The following NELL2 variants were observed in gnomAD, a reference collection of about 807,000 sequenced individuals.
NELL2 encodes neural EGFL like 2.
NELL2 carries 41 observed loss-of-function variants against 109.6 expected under a neutral mutation model. The ratio of observed to expected loss-of-function variants is 0.37; its 90% confidence interval spans 0.29 to 0.49. The LOEUF is 0.49. NELL2 is among the 20% of genes least tolerant of loss of function. NELL2 has a pLI of 0.98. For missense variants in NELL2, 900 were observed against 1,008.3 expected (o/e 0.89, Z 1.45); for synonymous variants, 355 against 344.7 (o/e 1.03, Z -0.33).
At chr12:44,893,069 T>G (rs373930131) in intron 1 of NELL2, among the ~76,000 whole-genome samples, 2 of 152,266 alleles carry the variant, frequency 1.3e-5, no homozygotes, top group African/African-American at 4.8e-5. Context: ...CTGGGTGGCT[T>G]AACCCAACAG....
At chr12:44,592,507 A>G (rs1036001229) in intron 15 of NELL2, among the ~76,000 whole-genome samples, 2 of 152,192 alleles carry the variant, frequency 1.3e-5, no homozygotes, top group African/African-American at 4.8e-5. Context: ...AGACAGACAC[A>G]GAACAAGAGG....
chr12:44,893,875 C>T (rs1945563895), intron 1 of NELL2, among the ~76,000 whole-genome samples: 1 of 152,168 alleles, frequency 6.6e-6, no homozygotes, highest in Non-Finnish European at 1.5e-5. Context: ...CAGACTAATT[C>T]TTTTTAAATC....
At chr12:44,813,626 G>A (rs1251552490) in intron 3 of NELL2, among the ~76,000 whole-genome samples, 1 of 152,108 alleles carries the variant, frequency 6.6e-6, no homozygotes, top group East Asian at 1.9e-4. Context: ...GTAAGGGGTT[G>A]ATTAAACAAA....
chr12:44,790,354 G>A (rs1323108302), intron 3 of NELL2, among the ~76,000 whole-genome samples: 1 of 152,084 alleles, frequency 6.6e-6, no homozygotes, highest in Non-Finnish European at 1.5e-5. Flanking sequence ...TATCAGCCAA[G>A]AATTTTGTAT....
chr12:44,791,964 A>C (rs936268788), intron 3 of NELL2, among the ~76,000 whole-genome samples: 2 of 152,056 alleles, frequency 1.3e-5, no homozygotes, highest in Middle Eastern at 3.2e-3. Flanking sequence ...CAGACAAAAA[A>C]AAAAAGGCAC....
At chr12:44,727,715 G>A (rs1487568316) in intron 9 of NELL2, among the ~76,000 whole-genome samples, 1 of 151,798 alleles carries the variant, frequency 6.6e-6, no homozygotes, top group East Asian at 1.9e-4. Context: ...TTCTCTTTAG[G>A]GGTCAATTAA....
chr12:44,835,954 C>T (rs770906098), intron 2 of NELL2, among the ~76,000 whole-genome samples: 5 of 152,216 alleles, frequency 3.3e-5, no homozygotes, highest in Non-Finnish European at 5.9e-5. Flanking sequence ...GCAGGAACAA[C>T]GAAGTATGGC....
chr12:44,785,816 G>A lies in NELL2; in HGVS notation c.336-5794C>T, dbSNP rs562962336. On this transcript the variant is annotated intron_variant, in intron 3 of 19. Coordinates refer to ENST00000429094, the MANE Select transcript of NELL2 (RefSeq NM_001145108.2). ...TTTAATAAATGGTGCTGGAAAAACT[G>A]GCTAGCCATAGGCAGAAAACTGAAA... Among the ~76,000 whole-genome samples, 5 of 152,248 alleles carry A rather than the reference G, an allele frequency of 3.3e-5. No individual in the cohort carries two copies. In the South Asian group the frequency reaches 8.3e-4, roughly 25 times the overall value.
intron 15 of NELL2, among the ~76,000 whole-genome samples, chr12:44,537,067 A>T (rs1942326915): frequency 6.6e-6 from 1 of 151,352 alleles, no homozygotes; most frequent in Admixed American, 6.6e-5. Flanking sequence ...AAACAAGCTC[A>T]TATACATCAG....
intron 13 of NELL2, among the ~76,000 whole-genome samples, chr12:44,663,514 A>C (rs1049575840): frequency 9.9e-5 from 15 of 152,212 alleles, no homozygotes; most frequent in African/African-American, 3.6e-4. Context: ...AGGCATAAAA[A>C]AATCATAGTC....
chr12:44,857,175 G>A (rs902737354), intron 2 of NELL2, among the ~76,000 whole-genome samples: 3 of 152,138 alleles, frequency 2.0e-5, no homozygotes, highest in Non-Finnish European at 4.4e-5. Flanking sequence ...CCAGGAAAAG[G>A]AACCAGGAAG....
At chr12:44,810,419 T>C (rs1462441012) in intron 3 of NELL2, among the ~76,000 whole-genome samples, 1 of 152,086 alleles carries the variant, frequency 6.6e-6, no homozygotes, top group Non-Finnish European at 1.5e-5. Context: ...CAGTGGTAAA[T>C]GTTTAATAAT....
intron 1 of NELL2, among the ~76,000 whole-genome samples, chr12:44,882,591 C>T (rs1157326133): frequency 2.6e-5 from 4 of 151,498 alleles, no homozygotes; most frequent in South Asian, 2.1e-4. Context: ...GCAGTGGCAC[C>T]GTCTCAGCTC....
intron 13 of NELL2, among the ~76,000 whole-genome samples, chr12:44,638,631 G>C (rs1329361693): frequency 6.6e-6 from 1 of 152,134 alleles, no homozygotes; most frequent in Non-Finnish European, 1.5e-5. Context: ...CCCATATTTT[G>C]AGTTGTAGAG....
chr12:44,580,504 C>T (rs547220769), intron 15 of NELL2, among the ~76,000 whole-genome samples: 37 of 152,048 alleles, frequency 2.4e-4, no homozygotes, highest in African/African-American at 8.9e-4. Context: ...ATTGCCTGAG[C>T]TCGGGAGTTC....
chr12:44,890,410 T>A (rs1483211709), intron 1 of NELL2, among the ~76,000 whole-genome samples: 1 of 152,160 alleles, frequency 6.6e-6, no homozygotes, highest in East Asian at 1.9e-4. Flanking sequence ...CACAGACAAG[T>A]CAAGTAATTT....
intron 1 of NELL2, among the ~76,000 whole-genome samples, chr12:44,888,381 G>GT (rs61158046): frequency 0.51 from 69,280 of 136,408 alleles, 18,657 homozygotes; most frequent in South Asian, 0.8. Flanking sequence ...TGAACAGTTG[G>GT]TTTTTTTTTT....
chr12:44,566,533 T>A (rs909867248), intron 15 of NELL2, among the ~76,000 whole-genome samples: 15 of 148,864 alleles, frequency 1.0e-4, no homozygotes, highest in African/African-American at 3.5e-4. Flanking sequence ...TTACACATAC[T>A]CACACACACA....
chr12:44,776,116 T>C lies in NELL2; in HGVS notation c.797A>G (p.Asp266Gly), dbSNP rs767603954. Residue 266 changes from aspartate to glycine, a missense_variant, in exon 8 of 20, where the codon GAT becomes GGT. By Grantham distance (94) the Asp-to-Gly change is moderately conservative (BLOSUM62 -1). Transcript: ENST00000429094. ...GCAAGTCCTTTCACAATAGCACTGA[T>C]CCAATCTATTCATTCGCTGTTCAGC... Reference protein sequence around the residue: ...SRAEQRMNRLDQCYCERTCTM... With the variant: ...SRAEQRMNRLGQCYCERTCTM... The C allele has an allele frequency of 1.9e-6, 3 of 1,614,046 alleles. No individual in the cohort carries two copies. Among genetic ancestry groups the C allele is most frequent in the Admixed American group, 1.7e-5 (1 of 60,000 alleles).
Sources: allele counts gnomAD v4.1 joint callset (sites outside exome capture counted in the v4.1 genomes callset), GRCh38; gene constraint gnomAD v4.1.1; transcripts MANE v1.5; gene names NCBI Gene and HGNC (gene_info 2026-07-23, HGNC 2026-07-21).